Variants in TSPYL5 observed in about 807,000 individuals in gnomAD.
TSPYL5 encodes testis-specific Y-encoded-like protein 5.
For missense variants in TSPYL5, 556 were observed against 555.5 expected (o/e 1.00, Z -0.01); for synonymous variants, 276 against 236.1 (o/e 1.17, Z -1.55).
At position 97,277,039 on chromosome 8, in the gene TSPYL5, T is replaced by A; in HGVS notation, c.806A>T (p.Gln269Leu). 1 of 1,614,190 alleles carries A rather than the reference T, an allele frequency of 6.2e-7. No individual in the cohort carries two copies. The highest frequency in any genetic ancestry group is 8.5e-7 in the Non-Finnish European group (1 of 1,180,036). Residue 269 changes from glutamine (Q) to leucine (L), a missense_variant, in exon 1 of 1, where the codon CAA becomes CTA. Transcript: ENST00000322128. The surrounding 1 kb of genome is among the most constrained non-coding windows in gnomAD (Gnocchi z 4.5). ...HPQLASFLNS[Q>L]EKEVLSYLNS... The stretch of plus-strand genomic sequence containing the variant: ...TAAGTAGCTCAGTACCTCTTTCTCT[T>A]GGCTATTCAGAAAGGATGCTAGCTG...
rs975851967 is a variant in TSPYL5 at position 97,276,240 on chromosome 8, T to A, written c.*351A>T. The A allele has an allele frequency of 2.6e-5, 6 of 231,220 alleles. No individual in the cohort carries two copies. Among genetic ancestry groups the A allele is most frequent in the African/African-American group, 1.4e-4 (6 of 43,902 alleles). 14.3% of individuals were successfully genotyped at this position (231,220 alleles called of 1,614,324 possible). On this transcript the variant is annotated 3_prime_UTR_variant, in exon 1 of 1. Transcript: ENST00000322128. ...GCCCTGAAGGAGCAGAGCTTGAGGATGCACTGGTCGTCCTGGAGGATGACT... is the reference window on the plus strand; with the variant it reads ...GCCCTGAAGGAGCAGAGCTTGAGGAAGCACTGGTCGTCCTGGAGGATGACT...
At position 97,277,421 on chromosome 8, in the gene TSPYL5, G is replaced by C; in HGVS notation, c.424C>G (p.Arg142Gly). 3 of 1,557,772 alleles carry C rather than the reference G, an allele frequency of 1.9e-6. No homozygotes were observed. The East Asian group carries it at 6.7e-5, about 35-fold the overall frequency. The change falls in exon 1 of 1, where the codon CGT (arginine) becomes GGT (glycine). Residue 142 changes from arginine to glycine, a missense_variant. Arg to Gly is a moderately radical substitution (Grantham distance 125, BLOSUM62 -2). Coordinates refer to ENST00000322128, the MANE Select transcript of TSPYL5 (RefSeq NM_033512.3). This position sits in a 1 kb window ranked among gnomAD's most constrained non-coding sequence, Gnocchi z 4.5. ...PKNAPRVGNR[R>G]GPAGKKAPET... The stretch of plus-strand genomic sequence containing the variant: ...GGGGCCTTCTTCCCGGCAGGGCCAC[G>C]CCGGTTTCCAACGCGGGGGGCATTT...
rs745362365 is a variant in TSPYL5 at position 97,277,030 on chromosome 8, T to G, written c.815A>C (p.Glu272Ala). The change falls in exon 1 of 1, where the codon GAG (glutamate) becomes GCG (alanine). Residue 272 changes from glutamate to alanine, a missense_variant. Glu to Ala is a moderately radical substitution (Grantham distance 107). Coordinates refer to ENST00000322128, the MANE Select transcript of TSPYL5 (RefSeq NM_033512.3). This position sits in a 1 kb window ranked among gnomAD's most constrained non-coding sequence, Gnocchi z 4.5. ...CAAGCTGTTTAAGTAGCTCAGTACC[T>G]CTTTCTCTTGGCTATTCAGAAAGGA... ...LASFLNSQEKEVLSYLNSLEV... is the reference protein window; with the variant it reads ...LASFLNSQEKAVLSYLNSLEV... The G allele has an allele frequency of 6.2e-7, 1 of 1,614,182 alleles. No individual in the cohort carries two copies. The highest frequency in any genetic ancestry group is 2.2e-5 in the East Asian group (1 of 44,880).
Position 97,277,837 on chromosome 8 carries a change from C to T in TSPYL5, c.8G>A (p.Gly3Asp). ...GGAGGACTTTCGACCCCGACTTCGGCCGCTCATGGTGGCGGCGGAGGCAGC... is the reference window on the plus strand; with the variant it reads ...GGAGGACTTTCGACCCCGACTTCGGTCGCTCATGGTGGCGGCGGAGGCAGC... MS[G>D]RSRGRKSSRA... Residue 3 changes from glycine (G) to aspartate (D), a missense_variant, in exon 1 of 1, where the codon GGC (glycine) becomes GAC (aspartate). Coordinates refer to ENST00000322128, the MANE Select transcript of TSPYL5 (RefSeq NM_033512.3). The surrounding 1 kb of genome is among the most constrained non-coding windows in gnomAD (Gnocchi z 4.5). 2 of 1,445,908 alleles carry T rather than the reference C, an allele frequency of 1.4e-6. No homozygotes were observed. Among genetic ancestry groups the T allele is most frequent in the East Asian group, 2.7e-5 (1 of 36,670 alleles). 89.6% of individuals were successfully genotyped at this position (1,445,908 alleles called of 1,614,324 possible).
rs968790791 is a variant in TSPYL5, at chr8:97,273,572, G to A, written c.*3019C>T. Reference sequence around the variant, plus strand: ...TGTTTAAGAACACAGAAATAATTGCGTTATTAACAGGGTGTCAAATTACCA... The same window carrying A: ...TGTTTAAGAACACAGAAATAATTGCATTATTAACAGGGTGTCAAATTACCA... On this transcript the variant is annotated 3_prime_UTR_variant, in exon 1 of 1. Coordinates refer to ENST00000322128, the MANE Select transcript of TSPYL5 (RefSeq NM_033512.3). The A allele has an allele frequency of 2.0e-5, 3 of 152,534 alleles. No individual in the cohort carries two copies. Among genetic ancestry groups the A allele is most frequent in the East Asian group, 1.9e-4 (1 of 5,200 alleles). The allele number at this position is 152,534 out of a possible 1,614,324, so 9.4% of individuals were successfully genotyped here.
rs1810527944 is a variant in TSPYL5, at chr8:97,276,869, T to C, written c.976A>G (p.Thr326Ala). The change falls in exon 1 of 1, where the codon ACT becomes GCT. Residue 326 changes from threonine (T) to alanine (A), a missense_variant. By Grantham distance (58) the Thr-to-Ala change is moderately conservative (BLOSUM62 0). Transcript: ENST00000322128. The part of the protein sequence containing the change: ...GPSGQVVSRS[T>A]PIQWLPGHDL... Reference sequence around the variant, plus strand: ...TGCCCTGGGAGCCACTGGATTGGAGTAGAACGAGACACCACCTGGCCAGAA... The same window carrying C: ...TGCCCTGGGAGCCACTGGATTGGAGCAGAACGAGACACCACCTGGCCAGAA... 1.2e-6 allele frequency: 2 copies of C among 1,613,986 alleles called. No homozygotes were observed. Among genetic ancestry groups the C allele is most frequent in the Admixed American group, 1.7e-5 (1 of 60,012 alleles).
Position 97,274,268 on chromosome 8 carries a change from C to T in TSPYL5, c.*2323G>A, listed in dbSNP as rs1039635856. ...AAAACAAAAAAGCAGACTTGCACAT[C>T]TGTATCTTCCCATTAGACTAAAATG... is the stretch of plus-strand genomic sequence containing the variant. On this transcript the variant is annotated 3_prime_UTR_variant, in exon 1 of 1. Transcript: ENST00000322128. 1.3e-5 allele frequency: 2 copies of T among 151,952 alleles called. No individual in the cohort carries two copies. Among genetic ancestry groups the T allele is most frequent in the Non-Finnish European group, 2.9e-5 (2 of 67,998 alleles). The allele number at this position is 151,952 out of a possible 1,614,324, so 9.4% of individuals were successfully genotyped here.
chr8:97,276,600 T>C lies in TSPYL5; in HGVS notation c.1245A>G (p.Gln415=), dbSNP rs1810520549. ...GGAGACTTGTGCAGGATCAGTTGGA[T>C]TGGCTCACCCCAGGCTGAGTAGTCT... The part of the protein sequence containing the change: ...PMETTQPGVS[Q]SN The change falls in exon 1 of 1, where the codon CAA becomes CAG. Residue 415 remains glutamine, a synonymous_variant. Transcript: ENST00000322128. The C allele has an allele frequency of 1.2e-6, 2 of 1,612,426 alleles. No individual in the cohort carries two copies. Among genetic ancestry groups the C allele is most frequent in the Non-Finnish European group, 8.5e-7 (1 of 1,179,208 alleles).
At position 97,274,329 on chromosome 8, in the gene TSPYL5, G is replaced by A. The variant is rs1024301268; in HGVS notation, c.*2262C>T. The A allele has an allele frequency of 2.6e-5, 4 of 152,106 alleles. No homozygotes were observed. The highest frequency in any genetic ancestry group is 9.7e-5 in the African/African-American group (4 of 41,394). 9.4% of individuals were successfully genotyped at this position (152,106 alleles called of 1,614,324 possible). Reference sequence around the variant, plus strand: ...TAAGACTTTAAAGGCAAAATGTGCAGCATATAGCATTCTTCTGCATGTACA... The same window carrying A: ...TAAGACTTTAAAGGCAAAATGTGCAACATATAGCATTCTTCTGCATGTACA... On this transcript the variant is annotated 3_prime_UTR_variant, in exon 1 of 1. Coordinates refer to ENST00000322128, the MANE Select transcript of TSPYL5 (RefSeq NM_033512.3).
In TSPYL5 at chr8:97,274,081, T is replaced by C. The variant is rs922030681; in HGVS notation, c.*2510A>G. ...AGTGTCTTGGATTTTCAATAAACAA[T>C]ACAGGTGAAAAGAGAGAGATACAGA... On this transcript the variant is annotated 3_prime_UTR_variant, in exon 1 of 1. Coordinates refer to ENST00000322128, the MANE Select transcript of TSPYL5 (RefSeq NM_033512.3). The C allele has an allele frequency of 1.3e-4, 20 of 152,048 alleles. No individual in the cohort carries two copies. The highest frequency in any genetic ancestry group is 4.6e-4 in the African/African-American group (19 of 41,380). 9.4% of individuals were successfully genotyped at this position (152,048 alleles called of 1,614,324 possible).
Position 97,275,947 on chromosome 8 carries a change from C to T in TSPYL5, c.*644G>A, listed in dbSNP as rs1563628326. 1 of 152,816 alleles carries T rather than the reference C, an allele frequency of 6.5e-6. No homozygotes were observed. Among genetic ancestry groups the T allele is most frequent in the Non-Finnish European group, 1.5e-5 (1 of 68,534 alleles). 9.5% of individuals were successfully genotyped at this position (152,816 alleles called of 1,614,324 possible). A position where few individuals can be genotyped will look rare whatever the true frequency, so the allele number is the denominator to read the frequency against. The stretch of plus-strand genomic sequence containing the variant: ...ACACATGATGGTACAGAACACATGG[C>T]ATACTGTTTCTTGCCCTTAACTTCA... On this transcript the variant is annotated 3_prime_UTR_variant, in exon 1 of 1. Transcript: ENST00000322128.
chr8:97,275,855 T>G lies in TSPYL5; in HGVS notation c.*736A>C, dbSNP rs377628370. The G allele has an allele frequency of 6.6e-6, 1 of 152,180 alleles. No homozygotes were observed. Among genetic ancestry groups the G allele is most frequent in the Non-Finnish European group, 1.5e-5 (1 of 68,074 alleles). The allele number at this position is 152,180 out of a possible 1,614,324, so 9.4% of individuals were successfully genotyped here. A position where few individuals can be genotyped will look rare whatever the true frequency, so the allele number is the denominator to read the frequency against. ...ACCCAGACAAAACTTAATGGCTTGA[T>G]AGTGACACGGCATGGCGCAGATCTT... On this transcript the variant is annotated 3_prime_UTR_variant, in exon 1 of 1. Transcript: ENST00000322128.
In TSPYL5 at chr8:97,274,975, G is replaced by GA. The variant is rs1293364066; in HGVS notation, c.*1615dup. The GA allele has an allele frequency of 6.5e-6, 1 of 152,780 alleles. No individual in the cohort carries two copies. Among genetic ancestry groups the GA allele is most frequent in the African/African-American group, 2.4e-5 (1 of 41,452 alleles). 9.5% of individuals were successfully genotyped at this position (152,780 alleles called of 1,614,324 possible). ...GAAGCAAAGAGAGCAAAGGACTGCT[G>GA]AAAGTGGGAAAGCTGGGGATTGAGG... On this transcript the variant is annotated 3_prime_UTR_variant, in exon 1 of 1. Transcript: ENST00000322128.
chr8:97,276,464 T>C lies in TSPYL5; in HGVS notation c.*127A>G. On this transcript the variant is annotated 3_prime_UTR_variant, in exon 1 of 1. Transcript: ENST00000322128. ...CAAAAGAACATGATCATAAATGCCA[T>C]ATTCTTGTAACTAAAGTCCAAAGGG... is the stretch of plus-strand genomic sequence containing the variant. 1.7e-6 allele frequency: 2 copies of C among 1,208,590 alleles called. No homozygotes were observed. The highest frequency in any genetic ancestry group is 1.2e-6 in the Non-Finnish European group (1 of 855,374). The allele number at this position is 1,208,590 out of a possible 1,614,324, so 74.9% of individuals were successfully genotyped here.
In TSPYL5 at chr8:97,277,125, G is replaced by C. The variant is rs763245158; in HGVS notation, c.720C>G (p.Arg240=). Residue 240 remains arginine (R), a synonymous_variant, in exon 1 of 1, where the codon CGC becomes CGG. Coordinates refer to ENST00000322128, the MANE Select transcript of TSPYL5 (RefSeq NM_033512.3). This position sits in a 1 kb window ranked among gnomAD's most constrained non-coding sequence, Gnocchi z 4.5. ...GGATATTTTGGATGAGGTGGTTCCT[G>C]CGCTCCAAGTGCTGCAGTCGCAACT... ...FGQLRLQHLE[R]RNHLIQNIPG... 6.2e-7 allele frequency: 1 copy of C among 1,610,708 alleles called. No homozygotes were observed. Among genetic ancestry groups the C allele is most frequent in the East Asian group, 2.2e-5 (1 of 44,880 alleles).
rs1810517368 is a variant in TSPYL5 at position 97,276,508 on chromosome 8, C to T, written c.*83G>A. Reference sequence around the variant, plus strand: ...CAAAGGGTCTATAGTACACAGAGGCCAACATGAAGAGAAGGCAGAGAGCCA... The same window carrying T: ...CAAAGGGTCTATAGTACACAGAGGCTAACATGAAGAGAAGGCAGAGAGCCA... On this transcript the variant is annotated 3_prime_UTR_variant, in exon 1 of 1. Coordinates refer to ENST00000322128, the MANE Select transcript of TSPYL5 (RefSeq NM_033512.3). 1.3e-6 allele frequency: 2 copies of T among 1,509,626 alleles called. No homozygotes were observed. The highest frequency in any genetic ancestry group is 1.8e-6 in the Non-Finnish European group (2 of 1,119,490). 93.5% of individuals were successfully genotyped at this position (1,509,626 alleles called of 1,614,324 possible).
At position 97,277,854 on chromosome 8, in the gene TSPYL5, G is replaced by A. The variant is rs748750071; in HGVS notation, c.-10C>T. On this transcript the variant is annotated 5_prime_UTR_variant, in exon 1 of 1. Coordinates refer to ENST00000322128, the MANE Select transcript of TSPYL5 (RefSeq NM_033512.3). The surrounding 1 kb of genome is among the most constrained non-coding windows in gnomAD (Gnocchi z 4.5). ...GACTTCGGCCGCTCATGGTGGCGGCGGAGGCAGCTTCAAAGACACGCTGTG... is the reference window on the plus strand; with the variant it reads ...GACTTCGGCCGCTCATGGTGGCGGCAGAGGCAGCTTCAAAGACACGCTGTG... 7.0e-6 allele frequency: 10 copies of A among 1,429,880 alleles called. No individual in the cohort carries two copies. In the South Asian group the frequency reaches 1.4e-4, roughly 20 times the overall value. The allele number at this position is 1,429,880 out of a possible 1,614,324, so 88.6% of individuals were successfully genotyped here.
At position 97,277,547 on chromosome 8, in the gene TSPYL5, C is replaced by A. The variant is rs1163835127; in HGVS notation, c.298G>T (p.Ala100Ser). 6.8e-7 allele frequency: 1 copy of A among 1,479,714 alleles called. No individual in the cohort carries two copies. Among genetic ancestry groups the A allele is most frequent in the South Asian group, 1.4e-5 (1 of 71,920 alleles). 91.7% of individuals were successfully genotyped at this position (1,479,714 alleles called of 1,614,324 possible). The change falls in exon 1 of 1, where the codon GCC becomes TCC. Residue 100 changes from alanine to serine, a missense_variant. Transcript: ENST00000322128. The surrounding 1 kb of genome is among the most constrained non-coding windows in gnomAD (Gnocchi z 4.5). ...TTCCCCGGGCCGGGCCTGGCCGCGG[C>A]CTGCCCGTGGTCCCCCGCAGCTCGG... The part of the protein sequence containing the change: ...RARAAGDHGQ[A>S]AARPGPGKAA...
At position 97,277,201 on chromosome 8, in the gene TSPYL5, A is replaced by G. The variant is rs750289189; in HGVS notation, c.644T>C (p.Met215Thr). ...GTAGGCCCTGTCCGCCTGGGCGTTCATGTTCTCCAGCTTCAGCTGCACGTT... is the reference window on the plus strand; with the variant it reads ...GTAGGCCCTGTCCGCCTGGGCGTTCGTGTTCTCCAGCTTCAGCTGCACGTT... The part of the protein sequence containing the change: ...LENVQLKLEN[M>T]NAQADRAYLR... The change falls in exon 1 of 1, where the codon ATG becomes ACG. Residue 215 changes from methionine (M) to threonine (T), a missense_variant. Coordinates refer to ENST00000322128, the MANE Select transcript of TSPYL5 (RefSeq NM_033512.3). The surrounding 1 kb of genome is among the most constrained non-coding windows in gnomAD (Gnocchi z 4.5). The G allele has an allele frequency of 6.2e-7, 1 of 1,612,920 alleles. No homozygotes were observed. The highest frequency in any genetic ancestry group is 2.2e-5 in the East Asian group (1 of 44,792).
Sources: allele counts gnomAD v4.1 joint callset, GRCh38; gene constraint gnomAD v4.1.1; non-coding constraint Gnocchi (gnomAD v3.1); transcripts MANE v1.5; gene names NCBI Gene and HGNC (gene_info 2026-07-23, HGNC 2026-07-21).